CSGALNACT1: variants seen among roughly 807,000 people sequenced by gnomAD.
CSGALNACT1 encodes the protein chondroitin sulfate N-acetylgalactosaminyltransferase 1.
In CSGALNACT1, 52 loss-of-function variants were observed where a neutral mutation model predicts 51.0. That is an observed-to-expected ratio of 1.02 (90% CI 0.82 to 1.29). The LOEUF is 1.29. Among genes scored for constraint, CSGALNACT1 ranks in the 50% most tolerant of loss-of-function variants. The probability of loss-of-function intolerance (pLI) is 0.00; values close to 1 mark genes in which losing one functional copy is unlikely to be tolerated. For missense variants in CSGALNACT1, 935 were observed against 679.2 expected, an observed-to-expected ratio of 1.38 and a Z score of -4.19; for synonymous variants, 341 against 254.4, an observed-to-expected ratio of 1.34 and a Z score of -3.24.
chr8:19,479,499 T>C (rs1177039144), intron 4 of CSGALNACT1, among the ~76,000 whole-genome samples: 2 of 152,226 alleles, frequency 1.3e-5, no homozygotes, highest in Non-Finnish European at 1.5e-5. Flanking sequence ...CAAACCTGGA[T>C]ACTATTTAAT....
chr8:19,578,445 G>A lies in CSGALNACT1; in HGVS notation c.-297+12715C>T, dbSNP rs562440782. ...TTTATTTTCCTATAGCCTCTCTTGC[G>A]TGTGGAGTGAATCATCCTCTGTTGA... On this transcript the variant is annotated intron_variant, in intron 3 of 9. Transcript: ENST00000454498. 1.8e-4 allele frequency among the ~76,000 whole-genome samples: 28 copies of A among 152,262 alleles called. No homozygotes were observed. In the Middle Eastern group the frequency reaches 0.017, roughly 92 times the overall value.
At chr8:19,583,783 G>T (rs565643360) in intron 3 of CSGALNACT1, among the ~76,000 whole-genome samples, 2 of 152,142 alleles carry the variant, frequency 1.3e-5, no homozygotes, top group Non-Finnish European at 2.9e-5. Flanking sequence ...GCACTTTGGG[G>T]TTGGAACTGC....
chr8:19,464,687 A>G (rs2066282291), intron 4 of CSGALNACT1, among the ~76,000 whole-genome samples: 1 of 152,150 alleles, frequency 6.6e-6, no homozygotes, highest in Non-Finnish European at 1.5e-5. Context: ...TGAACTGCAC[A>G]TGTAAAGGAT....
chr8:19,713,158 C>A (rs925397679), intron 1 of CSGALNACT1, among the ~76,000 whole-genome samples: 1 of 152,146 alleles, frequency 6.6e-6, no homozygotes, highest in African/African-American at 2.4e-5. Flanking sequence ...CTAGGAAGTG[C>A]CTCTGGACCC....
intron 1 of CSGALNACT1, among the ~76,000 whole-genome samples, chr8:19,689,376 A>G (rs1442622457): frequency 1.3e-5 from 2 of 152,188 alleles, no homozygotes; most frequent in Admixed American, 6.5e-5. Context: ...CCTTTTGAGC[A>G]GCCATCTTGA....
chr8:19,577,356 G>A (rs1183532726), intron 3 of CSGALNACT1, among the ~76,000 whole-genome samples: 1 of 149,574 alleles, frequency 6.7e-6, no homozygotes, highest in African/African-American at 2.5e-5. Context: ...TGAGGCCAGG[G>A]GTTTGAGAGC....
intron 4 of CSGALNACT1, among the ~76,000 whole-genome samples, chr8:19,500,938 T>C (rs1391130679): frequency 6.6e-6 from 1 of 152,032 alleles, no homozygotes; most frequent in Admixed American, 6.6e-5. Flanking sequence ...GAATGCAGTG[T>C]CCTCCCAGGA....
intron 3 of CSGALNACT1, among the ~76,000 whole-genome samples, chr8:19,538,506 A>G (rs2084302426): frequency 6.6e-6 from 1 of 152,190 alleles, no homozygotes; most frequent in Non-Finnish European, 1.5e-5. Context: ...AAAAGTAGAG[A>G]GCAATGTATG....
intron 4 of CSGALNACT1, among the ~76,000 whole-genome samples, chr8:19,491,607 A>G (rs537070398): frequency 2.8e-4 from 42 of 152,336 alleles, no homozygotes; most frequent in Non-Finnish European, 4.9e-4. Context: ...TTTGTATATC[A>G]GATATCTGTA....
intron 4 of CSGALNACT1, among the ~76,000 whole-genome samples, chr8:19,483,675 T>A (rs535557196): frequency 5.9e-5 from 9 of 152,328 alleles, no homozygotes; most frequent in African/African-American, 2.2e-4. Flanking sequence ...ATCTCTGTAA[T>A]CTAAAACCAT....
In CSGALNACT1 at chr8:19,666,943, A is replaced by G. The variant is rs573069764; in HGVS notation, c.-544+15530T>C. Among the ~76,000 whole-genome samples, 195 of 79,448 alleles carry G rather than the reference A, an allele frequency of 2.5e-3. 2 individuals carry two copies. Among genetic ancestry groups the G allele is most frequent in the Middle Eastern group, 5.9e-3 (1 of 170 alleles). 52.1% of individuals were successfully genotyped at this position (79,448 alleles called of 152,430 possible). On this transcript the variant is annotated intron_variant, in intron 1 of 9. Transcript: ENST00000332246. ...GAAGGGAGAGACAGAGAGAGAGAGA[A>G]AAAGAAAGAAAGAAAGAAAGAAAGA...
chr8:19,525,145 C>T (rs1486519507), intron 3 of CSGALNACT1, among the ~76,000 whole-genome samples: 1 of 152,172 alleles, frequency 6.6e-6, no homozygotes, highest in African/African-American at 2.4e-5. Context: ...TATATATCTG[C>T]CAGGCCTGGC....
chr8:19,474,545 A>C (rs1404940373), intron 4 of CSGALNACT1, among the ~76,000 whole-genome samples: 4 of 152,118 alleles, frequency 2.6e-5, no homozygotes, highest in African/African-American at 9.7e-5. Context: ...CCATCAATCC[A>C]ATAACTTATT....
chr8:19,600,439 C>G (rs1002080320), intron 2 of CSGALNACT1, among the ~76,000 whole-genome samples: 2 of 152,126 alleles, frequency 1.3e-5, no homozygotes, highest in East Asian at 3.9e-4. Context: ...CAAGGTCTTA[C>G]TAATTATGGT....
At chr8:19,520,469 G>A (rs770822883) in intron 3 of CSGALNACT1, among the ~76,000 whole-genome samples, 42 of 152,200 alleles carry the variant, frequency 2.8e-4, no homozygotes, top group African/African-American at 6.8e-4. Context: ...CACTCCTGGC[G>A]CCTGCCGCCA....
intron 5 of CSGALNACT1, 148 bp downstream of exon 4, chr8:19,458,278 T>C (rs1441755498): frequency 2.5e-6 from 2 of 814,886 alleles, no homozygotes; most frequent in Non-Finnish European, 2.2e-6. Flanking sequence ...CAAATACAAA[T>C]GATAAACTTT....
intron 4 of CSGALNACT1, among the ~76,000 whole-genome samples, chr8:19,472,478 A>G (rs981565915): frequency 3.9e-5 from 6 of 152,226 alleles, no homozygotes; most frequent in Admixed American, 6.5e-5. Context: ...AACCCTGTTC[A>G]CAAATATTAT....
chr8:19,663,433 A>G (rs954924769), intron 1 of CSGALNACT1, among the ~76,000 whole-genome samples: 8 of 152,220 alleles, frequency 5.3e-5, no homozygotes, highest in African/African-American at 1.9e-4. Flanking sequence ...TTCAGAGCAA[A>G]TTTTAAGTTT....
chr8:19,471,128 G>A (rs568247204), intron 4 of CSGALNACT1, among the ~76,000 whole-genome samples: 1 of 151,698 alleles, frequency 6.6e-6, no homozygotes, highest in Admixed American at 6.6e-5. Context: ...GGAGAGAGAG[G>A]GGAGAGAGAG....
Sources: allele counts gnomAD v4.1 joint callset (sites outside exome capture counted in the v4.1 genomes callset), GRCh38; gene constraint gnomAD v4.1.1; transcripts MANE v1.5; gene names NCBI Gene and HGNC (gene_info 2026-07-23, HGNC 2026-07-21).